The following RAB37 variants were observed in gnomAD, a reference collection of about 807,000 sequenced individuals.
RAB37 encodes the protein ras-related protein Rab-37.
RAB37 carries 29 observed loss-of-function variants against 33.1 expected under a neutral mutation model. The observed-to-expected ratio is 0.88, with a 90% CI of 0.65 to 1.20. The LOEUF (loss-of-function observed/expected upper bound fraction) is 1.20. Among genes scored for constraint, RAB37 ranks in the 50% most tolerant of loss-of-function variants. The pLI, the probability that RAB37 is intolerant of heterozygous loss-of-function variation, is 0.00. For synonymous variants in RAB37, 128 were observed against 119.5 expected, an observed-to-expected ratio of 1.07 and a Z score of -0.47; for missense variants, 299 against 301.1, an observed-to-expected ratio of 0.99 and a Z score of 0.05.
intron 1 of RAB37, chr17:74,712,791 C>A (rs1351113356): frequency 3.1e-6 from 5 of 1,613,438 alleles, no homozygotes; most frequent in Admixed American, 3.3e-5. Flanking sequence ...GCTTGCTAAG[C>A]TTCCCCAAGA....
chr17:74,725,628 A>ATT (rs11385089), intron 1 of RAB37, among the ~76,000 whole-genome samples: 36 of 145,880 alleles, frequency 2.5e-4, no homozygotes, highest in African/African-American at 6.8e-4. Context: ...TTATCAGTAG[A>ATT]TTTTTTTTTT....
At chr17:74,692,117 C>A (rs917786055) in intron 1 of RAB37, among the ~76,000 whole-genome samples, 3 of 152,082 alleles carry the variant, frequency 2.0e-5, no homozygotes, top group African/African-American at 7.2e-5. Flanking sequence ...CCGCCCACCT[C>A]GGCCTCCCAA....
At chr17:74,694,257 T>A (rs2032234761) in intron 1 of RAB37, 1 of 152,232 alleles carries the variant, frequency 6.6e-6, no homozygotes, top group South Asian at 2.1e-4. Flanking sequence ...GAAGGGCAAC[T>A]GCCACATACC....
chr17:74,745,720 G>A lies in RAB37; in HGVS notation c.*309G>A. On this transcript the variant is annotated 3_prime_UTR_variant, in exon 9 of 9. Coordinates refer to ENST00000392613, the MANE Select transcript of RAB37 (RefSeq NM_001006638.3). This position sits in a 1 kb window ranked among gnomAD's most constrained non-coding sequence, Gnocchi z 4.5. ...CCCTTTTGCTTTCTAGGACTTGGGG[G>A]GCCGGCCCTCCCTCCTAAGCATAAC... 3.3e-6 allele frequency: 1 copy of A among 304,484 alleles called. No homozygotes were observed. Among genetic ancestry groups the A allele is most frequent in the Non-Finnish European group, 6.2e-6 (1 of 162,098 alleles). The allele number at this position is 304,484 out of a possible 1,614,324, so 18.9% of individuals were successfully genotyped here. A position where few individuals can be genotyped will look rare whatever the true frequency, so the allele number is the denominator to read the frequency against.
chr17:74,696,300 GGAA>G, intron 1 of RAB37: 1 of 1,444,994 alleles, frequency 6.9e-7, no homozygotes, highest in Non-Finnish European at 9.3e-7. Context: ...AGAGAAATAT[GGAA>G]GAAAAGAGGT....
At chr17:74,702,300 C>A (rs2033125012) in intron 1 of RAB37, among the ~76,000 whole-genome samples, 1 of 152,162 alleles carries the variant, frequency 6.6e-6, no homozygotes, top group African/African-American at 2.4e-5. Flanking sequence ...AGAGGCATGA[C>A]CTGAGCTATG....
At chr17:74,677,093 T>A (rs1460799318) in intron 1 of RAB37, among the ~76,000 whole-genome samples, 2 of 152,082 alleles carry the variant, frequency 1.3e-5, no homozygotes, top group Admixed American at 6.6e-5. Context: ...GAAGTTGCAG[T>A]GAGCTGAGAT....
rs1434678703 is a variant in RAB37, at chr17:74,676,984, T to C, written c.72+5326T>C. Among the ~76,000 whole-genome samples the C allele has an allele frequency of 6.6e-6, 1 of 152,032 alleles. No individual in the cohort carries two copies. Among genetic ancestry groups the C allele is most frequent in the African/African-American group, 2.4e-5 (1 of 41,396 alleles). On this transcript the variant is annotated intron_variant, in intron 1 of 7. Transcript: ENST00000340415. The surrounding 1 kb of genome is among the most constrained non-coding windows in gnomAD (Gnocchi z 4.1). The stretch of plus-strand genomic sequence containing the variant: ...TGGCCAACATGGTGAAACTCGTCTC[T>C]ACTAAAAATACAAAAATTAGTCAGC...
At chr17:74,705,072 G>C (rs2033397076) in intron 1 of RAB37, 1 of 629,162 alleles carries the variant, frequency 1.6e-6, no homozygotes, top group East Asian at 2.7e-5. Flanking sequence ...ACTTCCTGCA[G>C]TTCACCCCTC....
In RAB37 at chr17:74,722,068, G is replaced by C. The variant is rs141252840; in HGVS notation, c.73-7188G>C. Among the ~76,000 whole-genome samples, 627 of 152,158 alleles carry C rather than the reference G, an allele frequency of 4.1e-3. 8 individuals are homozygous for C. The highest frequency in any genetic ancestry group is 0.014 in the African/African-American group (563 of 41,534). On this transcript the variant is annotated intron_variant, in intron 1 of 7. Coordinates refer to the RAB37 transcript ENST00000340415. The stretch of plus-strand genomic sequence containing the variant: ...CCCAGCACTTTGGGAGGCTGAGGAC[G>C]GTGGATCACGAGGTCAGGAGATCGA...
chr17:74,680,943 C>T (rs951348691), intron 1 of RAB37, among the ~76,000 whole-genome samples: 3 of 152,200 alleles, frequency 2.0e-5, no homozygotes, highest in African/African-American at 7.2e-5. Context: ...TTATACCCCA[C>T]CACCACCCCT....
At chr17:74,711,404 G>T (rs533520948) in intron 1 of RAB37, among the ~76,000 whole-genome samples, 2 of 152,270 alleles carry the variant, frequency 1.3e-5, no homozygotes, top group African/African-American at 4.8e-5. Flanking sequence ...CTGTGCCAAT[G>T]CATTTCATAA....
At chr17:74,736,587 G>T (rs1405116278), upstream of RAB37, 3 of 1,525,340 alleles carry the variant, frequency 2.0e-6, no homozygotes, top group Non-Finnish European at 2.6e-6. Flanking sequence ...GTGCTGCGCA[G>T]CCCTCTTGCG....
rs556782822 is a variant in RAB37, at chr17:74,686,425, C to T, written c.72+14767C>T. The stretch of plus-strand genomic sequence containing the variant: ...ATTATTTTTGAGATGGAGTCTCGCT[C>T]TGTTGCCCAGGCTGGAGTACAGTGG... On this transcript the variant is annotated intron_variant, in intron 1 of 7. Coordinates refer to the RAB37 transcript ENST00000340415. Among the ~76,000 whole-genome samples, 277 of 152,096 alleles carry T rather than the reference C, an allele frequency of 1.8e-3. 1 individual carries two copies. The highest frequency in any genetic ancestry group is 2.1e-3 in the Non-Finnish European group (144 of 67,984).
chr17:74,703,501 A>G (rs1391393528), intron 1 of RAB37, among the ~76,000 whole-genome samples: 1 of 152,176 alleles, frequency 6.6e-6, no homozygotes, highest in Non-Finnish European at 1.5e-5. Context: ...ACAGGAGCAG[A>G]GTGGGAACTT....
At chr17:74,712,842 G>T (rs1470043669) in intron 1 of RAB37, 1 of 1,613,956 alleles carries the variant, frequency 6.2e-7, no homozygotes, top group Admixed American at 1.7e-5. Context: ...CAGAAGAGGA[G>T]CAGGTAGAGT....
At chr17:74,726,416 C>G (rs976239716) in intron 1 of RAB37, among the ~76,000 whole-genome samples, 1 of 151,856 alleles carries the variant, frequency 6.6e-6, no homozygotes, top group Non-Finnish European at 1.5e-5. Context: ...AACTCCTCAC[C>G]CTGGAAAGGA....
chr17:74,729,483 A>T lies in RAB37; in HGVS notation c.183+117A>T, dbSNP rs556075737. On this transcript the variant is annotated intron_variant, in intron 2 of 7. Coordinates refer to the RAB37 transcript ENST00000340415. The surrounding 1 kb of genome is among the most constrained non-coding windows in gnomAD (Gnocchi z 4.2). Reference sequence around the variant, plus strand: ...GCATTGGATCATTCAAGGAGGATTAAGGAGAAGACTGTTCCCCAAGGTGTA... The same window carrying T: ...GCATTGGATCATTCAAGGAGGATTATGGAGAAGACTGTTCCCCAAGGTGTA... 8.7e-5 allele frequency: 68 copies of T among 778,690 alleles called. No homozygotes were observed. The highest frequency in any genetic ancestry group is 1.5e-4 in the Non-Finnish European group (65 of 435,044). 48.2% of individuals were successfully genotyped at this position (778,690 alleles called of 1,614,324 possible). A position where few individuals can be genotyped will look rare whatever the true frequency, so the allele number is the denominator to read the frequency against.
At chr17:74,712,411 C>G (rs1390356966) in intron 1 of RAB37, among the ~76,000 whole-genome samples, 1 of 152,122 alleles carries the variant, frequency 6.6e-6, no homozygotes, top group African/African-American at 2.4e-5. Context: ...CTCCCTCTTC[C>G]CTCCTTTCAA....
Sources: gnomAD v4.1 joint callset for allele counts (sites outside exome capture counted in the v4.1 genomes callset) on GRCh38, gnomAD v4.1.1 for gene constraint, Gnocchi (gnomAD v3.1) non-coding constraint, MANE v1.5 for transcripts, NCBI Gene and HGNC (gene_info 2026-07-23, HGNC 2026-07-21) for gene names.